NRXN1: variants seen among roughly 807,000 people sequenced by gnomAD.
The protein encoded by NRXN1 is neurexin 1, also known as neurexin-1.
A neutral mutation model predicts 150.9 loss-of-function variants in NRXN1; 39 were observed. That is an observed-to-expected ratio of 0.26 (90% CI 0.20 to 0.34). The LOEUF (loss-of-function observed/expected upper bound fraction) is 0.34. NRXN1 is among the 10% of genes least tolerant of loss of function. The pLI is 1.00. For synonymous variants in NRXN1, 924 were observed against 757.0 expected (o/e 1.22, Z -3.62); for missense variants, 1,815 against 1,949.9 (o/e 0.93, Z 1.30).
At chr2:50,530,181 A>C (rs1207795085) in intron 11 of NRXN1, among the ~76,000 whole-genome samples, 1 of 152,198 alleles carries the variant, frequency 6.6e-6, no homozygotes, top group Non-Finnish European at 1.5e-5. Flanking sequence ...AATAATGATA[A>C]CACTGAAAAT....
At chr2:50,792,407 A>C (rs898544359) in intron 5 of NRXN1, among the ~76,000 whole-genome samples, 3 of 152,122 alleles carry the variant, frequency 2.0e-5, no homozygotes, top group Non-Finnish European at 4.4e-5. Flanking sequence ...AGTACAGTGC[A>C]GACTGACCAT....
intron 18 of NRXN1, among the ~76,000 whole-genome samples, chr2:50,228,436 C>A: frequency 6.6e-6 from 1 of 151,730 alleles, no homozygotes; most frequent in East Asian, 1.9e-4. Flanking sequence ...AGCCTGTGAT[C>A]GTGTAGATGA....
chr2:50,334,192 A>AATATATATATATATATATATATAT (rs1553457969), intron 17 of NRXN1, among the ~76,000 whole-genome samples: 2 of 118,976 alleles, frequency 1.7e-5, no homozygotes, highest in African/African-American at 8.6e-5. Flanking sequence ...ACCAGGACCA[A>AATATATATATATATATATATATAT]ATATATATAT....
intron 5 of NRXN1, among the ~76,000 whole-genome samples, chr2:50,774,285 C>G (rs1703345231): frequency 6.6e-6 from 1 of 152,044 alleles, no homozygotes; most frequent in Admixed American, 6.5e-5. Context: ...TAAAAAGCCC[C>G]AAATGTCTAC....
chr2:50,597,958 G>A (rs1024003122), intron 8 of NRXN1, among the ~76,000 whole-genome samples: 1 of 152,062 alleles, frequency 6.6e-6, no homozygotes, highest in East Asian at 1.9e-4. Context: ...GGCCAATATG[G>A]TGAAACGTCA....
Position 50,857,983 on chromosome 2 carries a change from G to A in NRXN1, c.832+63886C>T, listed in dbSNP as rs554798991. The stretch of plus-strand genomic sequence containing the variant: ...TACACCTTTACATGTGCTTTCAGGT[G>A]TTTTGGTTACAGCTATGGGTATCAG... On this transcript the variant is annotated intron_variant, in intron 5 of 22. Transcript: ENST00000401669. Among the ~76,000 whole-genome samples, 4 of 152,078 alleles carry A rather than the reference G, an allele frequency of 2.6e-5. No individual in the cohort carries two copies. The South Asian group carries it at 6.2e-4, about 24-fold the overall frequency.
intron 17 of NRXN1, among the ~76,000 whole-genome samples, chr2:50,262,368 C>T (rs1163423711): frequency 1.3e-5 from 2 of 151,650 alleles, no homozygotes; most frequent in Non-Finnish European, 2.9e-5. Flanking sequence ...GCAACTCCAC[C>T]CAAAATCAAT....
At position 50,826,037 on chromosome 2, in the gene NRXN1, T is replaced by C. The variant is rs576146138; in HGVS notation, c.832+95832A>G. On this transcript the variant is annotated intron_variant, in intron 5 of 22. Transcript: ENST00000401669. The stretch of plus-strand genomic sequence containing the variant: ...GCTCTCATGGAAATTACAGTGGCTA[T>C]AGACAGAGAATGAATTCTTAAACTT... Among the ~76,000 whole-genome samples the C allele has an allele frequency of 1.5e-4, 23 of 152,304 alleles. No homozygotes were observed. In the East Asian group the frequency reaches 1.9e-3, roughly 13 times the overall value.
At chr2:50,338,664 A>T (rs1192427691) in intron 17 of NRXN1, among the ~76,000 whole-genome samples, 1 of 151,964 alleles carries the variant, frequency 6.6e-6, no homozygotes, top group Non-Finnish European at 1.5e-5. Flanking sequence ...GAAAAACCAC[A>T]TACTTCTTTC....
chr2:50,692,986 A>G (rs2104893191), intron 5 of NRXN1, among the ~76,000 whole-genome samples: 1 of 152,302 alleles, frequency 6.6e-6, no homozygotes, highest in East Asian at 1.9e-4. Context: ...GAAGAGCTAA[A>G]TTATCAGTTA....
intron 22 of NRXN1, among the ~76,000 whole-genome samples, chr2:49,924,712 G>C (rs1340959963): frequency 6.6e-6 from 1 of 152,108 alleles, no homozygotes; most frequent in Non-Finnish European, 1.5e-5. Flanking sequence ...ACAAAACCCA[G>C]ATGTAAATCC....
At chr2:50,017,046 A>C (rs1349323264) in intron 21 of NRXN1, among the ~76,000 whole-genome samples, 1 of 152,114 alleles carries the variant, frequency 6.6e-6, no homozygotes, top group African/African-American at 2.4e-5. Flanking sequence ...GAGACAGAGG[A>C]TGTGTTCCAG....
intron 5 of NRXN1, among the ~76,000 whole-genome samples, chr2:50,662,840 T>C (rs897063081): frequency 6.6e-6 from 1 of 151,966 alleles, no homozygotes; most frequent in Non-Finnish European, 1.5e-5. Flanking sequence ...ACACTAGCAC[T>C]GAAGGTGTAG....
intron 5 of NRXN1, among the ~76,000 whole-genome samples, chr2:50,721,388 G>A (rs991647462): frequency 1.3e-5 from 2 of 152,188 alleles, no homozygotes; most frequent in African/African-American, 4.8e-5. Context: ...CCTGAAGCAT[G>A]TATTTCAGAG....
At chr2:50,066,658 C>T (rs1333055531) in intron 19 of NRXN1, among the ~76,000 whole-genome samples, 1 of 151,690 alleles carries the variant, frequency 6.6e-6, no homozygotes, top group East Asian at 1.9e-4. Flanking sequence ...AATATAATTA[C>T]AAGTATGACC....
At chr2:50,335,996 T>A (rs545143872) in intron 17 of NRXN1, among the ~76,000 whole-genome samples, 2 of 152,116 alleles carry the variant, frequency 1.3e-5, no homozygotes, top group South Asian at 2.1e-4. Context: ...GATGTTTACA[T>A]AATATCAAGT....
At chr2:50,476,081 C>G (rs569648331) in intron 15 of NRXN1, among the ~76,000 whole-genome samples, 3 of 152,064 alleles carry the variant, frequency 2.0e-5, no homozygotes, top group African/African-American at 7.2e-5. Context: ...TTTTAAGGAC[C>G]ATGTAGGCAA....
chr2:50,471,297 G>C (rs1366146920), intron 16 of NRXN1, among the ~76,000 whole-genome samples: 1 of 151,512 alleles, frequency 6.6e-6, no homozygotes, highest in Admixed American at 6.6e-5. Flanking sequence ...CTTATACCAT[G>C]CTGTATGCTT....
chr2:50,048,408 T>G (rs1020681031), intron 21 of NRXN1, among the ~76,000 whole-genome samples: 2 of 152,118 alleles, frequency 1.3e-5, no homozygotes, highest in African/African-American at 4.8e-5. Flanking sequence ...ATGCTATTAT[T>G]TTTTAATAGC....
Sources: allele counts gnomAD v4.1 joint callset (sites outside exome capture counted in the v4.1 genomes callset), GRCh38; gene constraint gnomAD v4.1.1; transcripts MANE v1.5; gene names NCBI Gene and HGNC (gene_info 2026-07-23, HGNC 2026-07-21).